The following GLIS3 variants were observed in gnomAD, a reference collection of about 807,000 sequenced individuals.
The protein encoded by GLIS3 is zinc finger protein GLIS3.
Under a neutral mutation model 78.6 loss-of-function variants are expected in GLIS3, and 53 were observed. That is an observed-to-expected ratio of 0.67 (90% confidence interval 0.54 to 0.85). The LOEUF (loss-of-function observed/expected upper bound fraction) is 0.85, where lower values mean the gene tolerates loss of function less well. GLIS3 is among the 40% of genes least tolerant of loss of function. The pLI is 0.00. For synonymous variants in GLIS3, 684 were observed against 509.9 expected, an observed-to-expected ratio of 1.34 and a Z score of -4.60; for missense variants, 1,703 against 1,231.1, an observed-to-expected ratio of 1.38 and a Z score of -5.74.
intron 4 of GLIS3, among the ~76,000 whole-genome samples, chr9:4,096,243 C>T (rs534307095): frequency 2.0e-5 from 3 of 152,184 alleles, no homozygotes; most frequent in South Asian, 2.1e-4. Context: ...AGACGATGTG[C>T]GGTTAATTAA....
rs1468265654 is a variant in GLIS3, at chr9:3,898,827, G to A, written c.1992C>T (p.Ser664=). The A allele has an allele frequency of 1.2e-6, 2 of 1,613,950 alleles. No homozygotes were observed. Among genetic ancestry groups the A allele is most frequent in the Non-Finnish European group, 1.7e-6 (2 of 1,180,040 alleles). ...GCAGGTCTGGATGGAGCTCTGTGCT[G>A]GACCGCAACTAAGAGGACAAAACGG... is the stretch of plus-strand genomic sequence containing the variant. ...KEQQARKKLR[S]STELHPDLLT... is the part of the protein sequence containing the mutation. Residue 664 remains serine, a synonymous_variant, in exon 7 of 11, where the codon TCC becomes TCT. Coordinates refer to ENST00000381971, the MANE Select transcript of GLIS3 (RefSeq NM_001042413.2).
chr9:3,848,728 G>C (rs538734910), intron 9 of GLIS3, among the ~76,000 whole-genome samples: 27 of 152,302 alleles, frequency 1.8e-4, no homozygotes, highest in African/African-American at 6.5e-4. Flanking sequence ...TCTACAGTTT[G>C]AAAGATGCTT....
intron 4 of GLIS3, among the ~76,000 whole-genome samples, chr9:4,012,440 G>T (rs1409205750): frequency 6.6e-6 from 1 of 152,002 alleles, no homozygotes; most frequent in African/African-American, 2.4e-5. Flanking sequence ...GAAAAAAATA[G>T]ACCCACACAC....
intron 4 of GLIS3, among the ~76,000 whole-genome samples, chr9:4,018,378 A>G (rs76246306): frequency 0.012 from 1,808 of 152,288 alleles, 45 homozygotes; most frequent in African/African-American, 0.041. Context: ...CCCACAGCTG[A>G]AAGAGAAGTC....
chr9:4,261,365 G>A (rs987090321), intron 2 of GLIS3, among the ~76,000 whole-genome samples: 2 of 152,150 alleles, frequency 1.3e-5, no homozygotes, highest in Non-Finnish European at 2.9e-5. Context: ...GGATGGAAGA[G>A]GAGGGAAGAA....
rs935738652 is a variant in GLIS3, at chr9:3,898,745, C to T, written c.2074G>A (p.Ala692Thr). 1.2e-6 allele frequency: 2 copies of T among 1,614,192 alleles called. No individual in the cohort carries two copies. Among genetic ancestry groups the T allele is most frequent in the Admixed American group, 1.7e-5 (1 of 60,030 alleles). ...GAGCGTCCCACGGTCCCTTCAGCAG[C>T]AGCATCTCTAGGGGAAGTGGCCGGC... ...LQPATSPRDA[A>T]AEGTVGRSPG... The change falls in exon 7 of 11, where the codon GCT becomes ACT. Residue 692 changes from alanine to threonine, a missense_variant. Ala to Thr is a moderately conservative substitution (Grantham distance 58). Transcript: ENST00000381971.
chr9:3,867,744 TGTGTGTGTGTGA>T (rs1364497229), intron 8 of GLIS3, among the ~76,000 whole-genome samples: 11 of 151,378 alleles, frequency 7.3e-5, no homozygotes, highest in African/African-American at 1.7e-4. Flanking sequence ...CGTGTGTGTG[TGTGTGTGTGTGA>T]GTGCATGTGT....
chr9:4,138,656 C>A (rs1035267395), intron 2 of GLIS3, among the ~76,000 whole-genome samples: 2 of 152,182 alleles, frequency 1.3e-5, no homozygotes, highest in African/African-American at 4.8e-5. Context: ...GCTTCCCTTA[C>A]CAGCTGTGTG....
At chr9:3,870,882 T>A (rs984042109) in intron 8 of GLIS3, among the ~76,000 whole-genome samples, 2 of 152,228 alleles carry the variant, frequency 1.3e-5, no homozygotes, top group African/African-American at 4.8e-5. Context: ...AAGTCTTAAC[T>A]CATTTCAGCA....
At chr9:4,436,185 C>G in the GLIS3 span, among the ~76,000 whole-genome samples, 1 of 151,874 alleles carries the variant, frequency 6.6e-6, no homozygotes, top group Non-Finnish European at 1.5e-5. Context: ...AAGATGATCA[C>G]AAAGCTTTGT....
chr9:4,146,346 TG>T (rs1434568263), intron 2 of GLIS3, among the ~76,000 whole-genome samples: 2 of 152,258 alleles, frequency 1.3e-5, no homozygotes, highest in Non-Finnish European at 2.9e-5. Flanking sequence ...AAACAATGTG[TG>T]GCATGTAACT....
chr9:3,914,136 GTTTC>G (rs56051681), intron 6 of GLIS3, among the ~76,000 whole-genome samples: 121,543 of 151,616 alleles, frequency 0.8, 49,203 homozygotes, highest in African/African-American at 0.89. Context: ...CACTTGGGTA[GTTTC>G]TTTCTTTCTT....
chr9:4,203,019 C>G lies in GLIS3; in HGVS notation c.389-77078G>C, dbSNP rs192616688. Among the ~76,000 whole-genome samples, 208 of 152,318 alleles carry G rather than the reference C, an allele frequency of 1.4e-3. 1 individual carries two copies. Among genetic ancestry groups the G allele is most frequent in the Middle Eastern group, 6.8e-3 (2 of 294 alleles). On this transcript the variant is annotated intron_variant, in intron 2 of 10. Coordinates refer to ENST00000381971, the MANE Select transcript of GLIS3 (RefSeq NM_001042413.2). Reference sequence around the variant, plus strand: ...ACTTCTATACGGCAAAAGAAATTATCAGCAAAGAGACAACCTGCAGAATAG... The same window carrying G: ...ACTTCTATACGGCAAAAGAAATTATGAGCAAAGAGACAACCTGCAGAATAG...
chr9:4,425,501 G>C, the GLIS3 span, among the ~76,000 whole-genome samples: 9 of 152,312 alleles, frequency 5.9e-5, no homozygotes, highest in African/African-American at 1.9e-4. Context: ...ATGTGACAAA[G>C]AGAAGGAAAT....
chr9:4,317,632 A>G (rs139527626), intron 2 of GLIS3, among the ~76,000 whole-genome samples: 16 of 152,372 alleles, frequency 1.1e-4, no homozygotes, highest in South Asian at 6.2e-4. Context: ...CATTAGTCAT[A>G]GATTCTAAAT....
At chr9:4,020,853 T>C (rs149448538) in intron 4 of GLIS3, among the ~76,000 whole-genome samples, 104 of 152,306 alleles carry the variant, frequency 6.8e-4, no homozygotes, top group African/African-American at 2.4e-3. Context: ...CGTAAGCAAA[T>C]GATACTGGTC....
At chr9:4,073,021 T>TAA (rs5896045) in intron 4 of GLIS3, among the ~76,000 whole-genome samples, 68 of 149,078 alleles carry the variant, frequency 4.6e-4, no homozygotes, top group African/African-American at 1.6e-3. Flanking sequence ...CTTTTTTCTT[T>TAA]AAAAAAAAAA....
upstream of GLIS3, among the ~76,000 whole-genome samples, chr9:4,351,859 G>A (rs1157955931): frequency 6.6e-6 from 1 of 150,512 alleles, no homozygotes; most frequent in Admixed American, 6.6e-5. Context: ...TGAATGCACA[G>A]TTTTCTTAAA....
At chr9:4,094,987 T>C (rs1829826411) in intron 4 of GLIS3, among the ~76,000 whole-genome samples, 2 of 152,348 alleles carry the variant, frequency 1.3e-5, no homozygotes, top group South Asian at 2.1e-4. Context: ...TCATGGTAAT[T>C]AGCATATCCA....
Sources: gnomAD v4.1 joint callset for allele counts (sites outside exome capture counted in the v4.1 genomes callset) on GRCh38, gnomAD v4.1.1 for gene constraint, MANE v1.5 for transcripts, NCBI Gene and HGNC (gene_info 2026-07-23, HGNC 2026-07-21) for gene names.